GPATCH8: variants seen among roughly 807,000 people sequenced by gnomAD.
The protein encoded by GPATCH8 is G-patch domain containing 8.
A neutral mutation model predicts 118.3 loss-of-function variants in GPATCH8; 18 were observed. That is an observed-to-expected ratio of 0.15 (90% confidence interval 0.11 to 0.23). The LOEUF (loss-of-function observed/expected upper bound fraction) is 0.23. GPATCH8 is among the 10% of genes least tolerant of loss of function. The pLI is 1.00. For synonymous variants in GPATCH8, 659 were observed against 684.7 expected (o/e 0.96, Z 0.59); for missense variants, 1,631 against 1,873.8 (o/e 0.87, Z 2.39).
intron 1 of GPATCH8, among the ~76,000 whole-genome samples, chr17:44,501,853 C>T (rs1970090831): frequency 6.6e-6 from 1 of 152,096 alleles, no homozygotes; most frequent in African/African-American, 2.4e-5. Context: ...TATGTCTCTA[C>T]CGGTAATTTA....
At chr17:44,414,115 A>ATGTATATATATGTGTATATATATATGTG (rs1567955447) in intron 6 of GPATCH8, among the ~76,000 whole-genome samples, 1 of 83,466 alleles carries the variant, frequency 1.2e-5, no homozygotes, top group Non-Finnish European at 2.6e-5. Flanking sequence ...GTATATATAT[A>ATGTATATATATGTGTATATATATATGTG]TGTATATATA....
At chr17:44,450,559 A>G (rs1477907017) in intron 3 of GPATCH8, among the ~76,000 whole-genome samples, 4 of 145,412 alleles carry the variant, frequency 2.8e-5, no homozygotes, top group Non-Finnish European at 6.0e-5. Context: ...GAAATACTGG[A>G]TTTAAAACTA....
At chr17:44,406,730 G>C (rs2049247139) in intron 6 of GPATCH8, among the ~76,000 whole-genome samples, 1 of 151,804 alleles carries the variant, frequency 6.6e-6, no homozygotes, top group African/African-American at 2.4e-5. Flanking sequence ...GGCCCTGAGA[G>C]GAATATCCAG....
Position 44,424,503 on chromosome 17 carries a change from C to A in GPATCH8, c.349-11G>T. The stretch of plus-strand genomic sequence containing the variant: ...TTTGTCAACATAATCCTTCAAGACC[C>A]ATGAAATACAAAGAAACAAAAAATG... On this transcript the variant is annotated splice_polypyrimidine_tract_variant and intron_variant, in intron 5 of 7. Coordinates refer to ENST00000591680, the MANE Select transcript of GPATCH8 (RefSeq NM_001002909.4). The A allele has an allele frequency of 6.3e-7, 1 of 1,598,612 alleles. No individual in the cohort carries two copies. Among genetic ancestry groups the A allele is most frequent in the Non-Finnish European group, 8.6e-7 (1 of 1,166,564 alleles).
rs2051485449 is a variant in GPATCH8 at position 44,460,024 on chromosome 17, G to C, written c.193+4448C>G. 2.0e-5 allele frequency among the ~76,000 whole-genome samples: 3 copies of C among 152,136 alleles called. No individual in the cohort carries two copies. The South Asian group carries it at 6.2e-4, about 32-fold the overall frequency. On this transcript the variant is annotated intron_variant, in intron 3 of 7. Transcript: ENST00000591680. ...TACACAATGTAACAAAGAAACTTCA[G>C]GCACCATTTCTGGGCTACACCTATT...
chr17:44,487,624 A>C (rs1269502551), intron 1 of GPATCH8, among the ~76,000 whole-genome samples: 1 of 152,212 alleles, frequency 6.6e-6, no homozygotes, highest in Non-Finnish European at 1.5e-5. Flanking sequence ...CTTTTGCAGA[A>C]CAGAAGTTTT....
At chr17:44,435,894 C>T (rs573106275) in intron 4 of GPATCH8, among the ~76,000 whole-genome samples, 3 of 150,492 alleles carry the variant, frequency 2.0e-5, no homozygotes, top group East Asian at 2.0e-4. Context: ...TGGTGTCATG[C>T]GCCTGTAATC....
At chr17:44,414,105 GTATATATATATGTATATATA>G (rs2049567308) in intron 6 of GPATCH8, among the ~76,000 whole-genome samples, 3 of 100,836 alleles carry the variant, frequency 3.0e-5, no homozygotes, top group African/African-American at 1.0e-4. Flanking sequence ...ATATATGTGT[GTATATATATATGTATATATA>G]TGTGTATATA....
At chr17:44,414,398 C>A (rs2049599635) in intron 6 of GPATCH8, among the ~76,000 whole-genome samples, 1 of 151,922 alleles carries the variant, frequency 6.6e-6, no homozygotes, top group Admixed American at 6.6e-5. Context: ...CCTCGACCTC[C>A]CAGGCTCAAG....
intron 3 of GPATCH8, among the ~76,000 whole-genome samples, chr17:44,452,752 C>T (rs1247095346): frequency 6.6e-6 from 1 of 152,000 alleles, no homozygotes; most frequent in African/African-American, 2.4e-5. Flanking sequence ...GGTTTCAGCC[C>T]TATCATTAAA....
intron 3 of GPATCH8, among the ~76,000 whole-genome samples, chr17:44,443,234 A>G (rs566562383): frequency 1.3e-5 from 2 of 152,376 alleles, no homozygotes; most frequent in South Asian, 2.1e-4. Context: ...CTGATTTGCA[A>G]AAGTATTCAA....
chr17:44,427,346 T>A (rs1239556807), intron 5 of GPATCH8, among the ~76,000 whole-genome samples: 3 of 151,926 alleles, frequency 2.0e-5, no homozygotes, highest in African/African-American at 7.2e-5. Flanking sequence ...TATATATAAA[T>A]AATTCAAGAA....
chr17:44,461,562 A>G (rs191638990), intron 3 of GPATCH8, among the ~76,000 whole-genome samples: 139 of 152,348 alleles, frequency 9.1e-4, no homozygotes, highest in African/African-American at 3.2e-3. Flanking sequence ...TTTTAAATGA[A>G]TAGATTTATG....
intron 2 of GPATCH8, chr17:44,473,483 T>G (rs1035267113): frequency 6.6e-6 from 1 of 152,190 alleles, no homozygotes; most frequent in Non-Finnish European, 1.5e-5. Flanking sequence ...CATTTTATCC[T>G]TATGTCAAAA....
At position 44,400,040 on chromosome 17, in the gene GPATCH8, C is replaced by T. The variant is rs893433692; in HGVS notation, c.2037G>A (p.Lys679=). 1.9e-6 allele frequency: 3 copies of T among 1,613,958 alleles called. No individual in the cohort carries two copies. The highest frequency in any genetic ancestry group is 1.1e-5 in the South Asian group (1 of 91,060). ...TGTGTTTGCTGGATTTTTTGTGCTTCTTTTTCTTTTTGTGCCGGTGGGACT... is the reference window on the plus strand; with the variant it reads ...TGTGTTTGCTGGATTTTTTGTGCTTTTTTTTCTTTTTGTGCCGGTGGGACT... ...SGKSHRHKKK[K]KHKKSSKHKR... is the part of the protein sequence containing the mutation. Residue 679 remains lysine, a synonymous_variant, in exon 8 of 8, where the codon AAG becomes AAA. Coordinates refer to ENST00000591680, the MANE Select transcript of GPATCH8 (RefSeq NM_001002909.4).
intron 1 of GPATCH8, among the ~76,000 whole-genome samples, chr17:44,476,309 G>A (rs758351630): frequency 2.6e-5 from 4 of 151,946 alleles, no homozygotes; most frequent in Non-Finnish European, 5.9e-5. Context: ...GGCTCAAGTG[G>A]TATTCGTGCC....
At chr17:44,491,323 T>C (rs1969226749) in intron 1 of GPATCH8, among the ~76,000 whole-genome samples, 1 of 151,996 alleles carries the variant, frequency 6.6e-6, no homozygotes, top group African/African-American at 2.4e-5. Context: ...ACCCTGTCTC[T>C]ACTAAAAACA....
At chr17:44,432,820 A>T (rs186930708) in intron 5 of GPATCH8, among the ~76,000 whole-genome samples, 202 of 152,292 alleles carry the variant, frequency 1.3e-3, no homozygotes, top group African/African-American at 4.6e-3. Flanking sequence ...TTCAGAGTTG[A>T]CAGGGTTTCG....
In GPATCH8 at chr17:44,474,797, T is replaced by C. The variant is rs564370887; in HGVS notation, c.120+32A>G. ...CACGAACACTACCTAACTAACTAGC[T>C]AAGACCCGAAATTAAGCACTGATTA... On this transcript the variant is annotated intron_variant, in intron 2 of 7. Coordinates refer to ENST00000591680, the MANE Select transcript of GPATCH8 (RefSeq NM_001002909.4). 8 of 1,151,254 alleles carry C rather than the reference T, an allele frequency of 6.9e-6. No homozygotes were observed. In the South Asian group the frequency reaches 8.6e-5, roughly 12 times the overall value. 71.3% of individuals were successfully genotyped at this position (1,151,254 alleles called of 1,614,324 possible).
Sources: gnomAD v4.1 joint callset for allele counts (sites outside exome capture counted in the v4.1 genomes callset) on GRCh38, gnomAD v4.1.1 for gene constraint, MANE v1.5 for transcripts, NCBI Gene and HGNC (gene_info 2026-07-23, HGNC 2026-07-21) for gene names.